Variants in PIP4K2A observed in about 807,000 individuals in gnomAD.
PIP4K2A encodes phosphatidylinositol-5-phosphate 4-kinase type 2 alpha, also known as phosphatidylinositol 5-phosphate 4-kinase type-2 alpha.
Under a neutral mutation model 42.9 loss-of-function variants are expected in PIP4K2A, and 14 were observed. The ratio of observed to expected loss-of-function variants is 0.33; its 90% CI spans 0.22 to 0.51. The LOEUF (loss-of-function observed/expected upper bound fraction) is 0.51. PIP4K2A is among the 20% of genes least tolerant of loss of function. The pLI is 0.97. For missense variants in PIP4K2A, 434 were observed against 519.8 expected, an observed-to-expected ratio of 0.83 and a Z score of 1.61; for synonymous variants, 192 against 192.2, an observed-to-expected ratio of 1.00 and a Z score of 0.01.
At chr10:22,633,728 A>G (rs1216568902) in intron 1 of PIP4K2A, among the ~76,000 whole-genome samples, 1 of 152,120 alleles carries the variant, frequency 6.6e-6, no homozygotes, top group Non-Finnish European at 1.5e-5. Context: ...GCTTCACACA[A>G]CTGGTCACCA....
chr10:22,598,056 T>C (rs1239224889), intron 3 of PIP4K2A, among the ~76,000 whole-genome samples: 1 of 152,196 alleles, frequency 6.6e-6, no homozygotes, highest in Non-Finnish European at 1.5e-5. Flanking sequence ...AAAGTGACAT[T>C]ATTTAAATTC....
At chr10:22,698,000 T>C in intron 1 of PIP4K2A, among the ~76,000 whole-genome samples, 1 of 152,138 alleles carries the variant, frequency 6.6e-6, no homozygotes, top group Non-Finnish European at 1.5e-5. Flanking sequence ...CCAGCAAAAA[T>C]TAACCAACCA....
chr10:22,543,545 C>T (rs1227844464), intron 7 of PIP4K2A, among the ~76,000 whole-genome samples: 4 of 152,190 alleles, frequency 2.6e-5, no homozygotes, highest in African/African-American at 9.7e-5. Context: ...ACTGCTCATC[C>T]CCCCTGGTCT....
At chr10:22,550,030 A>C (rs1430947109) in intron 7 of PIP4K2A, among the ~76,000 whole-genome samples, 2 of 152,182 alleles carry the variant, frequency 1.3e-5, no homozygotes, top group Non-Finnish European at 2.9e-5. Context: ...TTTAAAAGCA[A>C]AACTCCATCA....
chr10:22,607,848 T>C (rs1021016168), intron 3 of PIP4K2A, 79 bp downstream of exon 3: 2 of 809,982 alleles, frequency 2.5e-6, no homozygotes, highest in Non-Finnish European at 4.2e-6. Flanking sequence ...TTGACAAAAA[T>C]ACAGATCCCA....
At chr10:22,613,798 A>G (rs1331242810) in intron 1 of PIP4K2A, among the ~76,000 whole-genome samples, 1 of 152,156 alleles carries the variant, frequency 6.6e-6, no homozygotes, top group Non-Finnish European at 1.5e-5. Flanking sequence ...GTGCAGGTGC[A>G]GAGACAGGAT....
chr10:22,647,189 T>C (rs1778342), intron 1 of PIP4K2A, among the ~76,000 whole-genome samples: 52,916 of 152,018 alleles, frequency 0.35, 10,134 homozygotes, highest in African/African-American at 0.51. Context: ...TTCATGGGCT[T>C]TAAGTTGCCT....
At position 22,535,346 on chromosome 10, in the gene PIP4K2A, A is replaced by C. The variant is rs1835892943; in HGVS notation, c.*1855T>G. Reference sequence around the variant, plus strand: ...GATTACTTTAAATACATAAAAGATGAATCTGTACACTACGTGACAGTGGTG... The same window carrying C: ...GATTACTTTAAATACATAAAAGATGCATCTGTACACTACGTGACAGTGGTG... On this transcript the variant is annotated 3_prime_UTR_variant, in exon 10 of 10. Transcript: ENST00000376573. 1 of 152,222 alleles carries C rather than the reference A, an allele frequency of 6.6e-6. No homozygotes were observed. Among genetic ancestry groups the C allele is most frequent in the East Asian group, 1.9e-4 (1 of 5,202 alleles). The allele number at this position is 152,222 out of a possible 1,614,324, so 9.4% of individuals were successfully genotyped here.
At chr10:22,601,164 C>CAAAAAAAAAAAAAAAA (rs1226127427) in intron 3 of PIP4K2A, among the ~76,000 whole-genome samples, 1 of 57,662 alleles carries the variant, frequency 1.7e-5, no homozygotes, top group Non-Finnish European at 3.6e-5. Context: ...AAAAAAAAAA[C>CAAAAAAAAAAAAAAAA]AAACCAGGAA....
At chr10:22,643,294 C>G (rs1838816647) in intron 1 of PIP4K2A, among the ~76,000 whole-genome samples, 1 of 152,196 alleles carries the variant, frequency 6.6e-6, no homozygotes, top group Non-Finnish European at 1.5e-5. Flanking sequence ...TTTATTGGAA[C>G]AGAGCCAGGC....
At chr10:22,620,774 CA>C (rs1257311984) in intron 1 of PIP4K2A, among the ~76,000 whole-genome samples, 2 of 152,234 alleles carry the variant, frequency 1.3e-5, no homozygotes, top group Non-Finnish European at 2.9e-5. Flanking sequence ...TGGCCCATTC[CA>C]GGGCTTTAGC....
At chr10:22,662,397 G>C (rs1839218503) in intron 1 of PIP4K2A, among the ~76,000 whole-genome samples, 1 of 152,190 alleles carries the variant, frequency 6.6e-6, no homozygotes, top group South Asian at 2.1e-4. Flanking sequence ...ACATTTCAGG[G>C]AGACTCTGCT....
At chr10:22,620,692 G>A (rs1838307771) in intron 1 of PIP4K2A, among the ~76,000 whole-genome samples, 2 of 152,260 alleles carry the variant, frequency 1.3e-5, no homozygotes, top group Non-Finnish European at 2.9e-5. Context: ...CTGGTGCTGA[G>A]TAGCTGTGGG....
chr10:22,596,077 T>A (rs1326296393), intron 3 of PIP4K2A, among the ~76,000 whole-genome samples: 1 of 151,488 alleles, frequency 6.6e-6, no homozygotes, highest in Non-Finnish European at 1.5e-5. Context: ...TGGTGGGGCA[T>A]GCCTGTAATC....
chr10:22,627,740 G>A (rs533149953), intron 1 of PIP4K2A, among the ~76,000 whole-genome samples: 1 of 151,758 alleles, frequency 6.6e-6, no homozygotes, highest in African/African-American at 2.4e-5. Context: ...CTGTGTGCAA[G>A]GTCTTTTACT....
In PIP4K2A at chr10:22,688,226, G is replaced by A. The variant is rs1188145326; in HGVS notation, c.144+25957C>T. Among the ~76,000 whole-genome samples the A allele has an allele frequency of 9.9e-5, 15 of 152,154 alleles. No homozygotes were observed. The East Asian group carries it at 2.3e-3, about 23-fold the overall frequency. ...AATTTTCTGAATACAGTAAGAAAGC[G>A]ACATGAAGAAAAAAGAAAACTGGTA... is the stretch of plus-strand genomic sequence containing the variant. On this transcript the variant is annotated intron_variant, in intron 1 of 9. Coordinates refer to ENST00000376573, the MANE Select transcript of PIP4K2A (RefSeq NM_005028.5).
intron 1 of PIP4K2A, among the ~76,000 whole-genome samples, chr10:22,628,295 T>C (rs888008657): frequency 6.6e-6 from 1 of 152,210 alleles, no homozygotes; most frequent in African/African-American, 2.4e-5. Flanking sequence ...TGTTTGTTTT[T>C]GTAAATGTGC....
At chr10:22,611,415 CA>C (rs76572163) in intron 1 of PIP4K2A, among the ~76,000 whole-genome samples, 21 of 64,222 alleles carry the variant, frequency 3.3e-4, no homozygotes, top group African/African-American at 1.1e-3. Context: ...ACAACAACAA[CA>C]AAAAAAAAAC....
At chr10:22,678,639 G>C (rs1421156474) in intron 1 of PIP4K2A, among the ~76,000 whole-genome samples, 2 of 152,132 alleles carry the variant, frequency 1.3e-5, no homozygotes, top group African/African-American at 4.8e-5. Flanking sequence ...TTTTTTCCTA[G>C]CCAGCAGACT....
Sources: gnomAD v4.1 joint callset for allele counts (sites outside exome capture counted in the v4.1 genomes callset) on GRCh38, gnomAD v4.1.1 for gene constraint, MANE v1.5 for transcripts, NCBI Gene and HGNC (gene_info 2026-07-23, HGNC 2026-07-21) for gene names.